Variants in KCNQ1 observed in about 807,000 individuals in gnomAD.
KCNQ1 encodes the protein potassium voltage-gated channel subfamily KQT member 1.
Under a neutral mutation model 72.4 loss-of-function variants are expected in KCNQ1, and 49 were observed. The ratio of observed to expected loss-of-function variants is 0.68; its 90% CI spans 0.54 to 0.86. KCNQ1 has a LOEUF of 0.86. KCNQ1 is among the 40% of genes least tolerant of loss of function. The pLI, the probability that KCNQ1 is intolerant of heterozygous loss-of-function variation, is 0.00. For synonymous variants in KCNQ1, 450 were observed against 412.6 expected, an observed-to-expected ratio of 1.09 and a Z score of -1.10; for missense variants, 790 against 945.1, an observed-to-expected ratio of 0.84 and a Z score of 2.15.
intron 15 of KCNQ1, among the ~76,000 whole-genome samples, chr11:2,841,605 C>T (rs923363155): frequency 2.0e-5 from 3 of 152,210 alleles, no homozygotes; most frequent in Non-Finnish European, 4.4e-5. Flanking sequence ...TCTGAGCTCC[C>T]GCTGGGACAC....
At chr11:2,694,183 G>A (rs374710737) in intron 11 of KCNQ1, 43 of 398,680 alleles carry the variant, frequency 1.1e-4, no homozygotes, top group African/African-American at 7.8e-4. Flanking sequence ...CCAGGCCTGG[G>A]CCAGGGTCTT....
chr11:2,674,832 TAAAAAAAAAAAAAAAAAAA>T lies in KCNQ1; in HGVS notation c.1514+12761_1514+12779del. ...GCTTGTCACCCTAATAGCTGTTTTT[TAAAAAAAAAAAAAAAAAAA>T]AAAAAAAAAGCTCACTGGGCACCTT... is the stretch of plus-strand genomic sequence containing the variant. On this transcript the variant is annotated intron_variant, in intron 11 of 15. Coordinates refer to ENST00000155840, the MANE Select transcript of KCNQ1 (RefSeq NM_000218.3). This position sits in a 1 kb window ranked among gnomAD's most constrained non-coding sequence, Gnocchi z 5.9. The T allele has an allele frequency of 3.3e-6, 1 of 303,392 alleles. No individual in the cohort carries two copies. The allele number at this position is 303,392 out of a possible 1,614,324, so 18.8% of individuals were successfully genotyped here.
chr11:2,649,757 A>C (rs1367964199), intron 10 of KCNQ1: 2 of 398,524 alleles, frequency 5.0e-6, no homozygotes, highest in Non-Finnish European at 8.8e-6. Flanking sequence ...AGTTTGATGA[A>C]AATGTGCCTC....
rs376145859 is a variant in KCNQ1 at position 2,762,618 on chromosome 11, C to T, written c.1515-6226C>T. ...ACAGGACCGTGCAGCAGGAGGTGAG[C>T]GGTTGGCAAGTGAACGTGATCACCT... On this transcript the variant is annotated intron_variant, in intron 11 of 15. Transcript: ENST00000155840. The surrounding 1 kb of genome is among the most constrained non-coding windows in gnomAD (Gnocchi z 4.3). Among the ~76,000 whole-genome samples, 6 of 152,164 alleles carry T rather than the reference C, an allele frequency of 3.9e-5. No individual in the cohort carries two copies. Among genetic ancestry groups the T allele is most frequent in the Non-Finnish European group, 5.9e-5 (4 of 68,038 alleles).
In KCNQ1 at chr11:2,662,002, T is replaced by C; in HGVS notation, c.1435T>C (p.Phe479Leu). The part of the protein sequence containing the change: ...PTLLEVSMPH[F>L]MRTNSFAEDL... ...ACTGCTGGAAGTGAGCATGCCCCAT[T>C]TCATGAGAACCAACAGCTTCGCCGA... is the stretch of plus-strand genomic sequence containing the variant. Residue 479 changes from phenylalanine (F) to leucine (L), a missense_variant, in exon 11 of 16, where the codon TTC becomes CTC. Physicochemically the swap from Phe to Leu is conservative, Grantham distance 22. Coordinates refer to ENST00000155840, the MANE Select transcript of KCNQ1 (RefSeq NM_000218.3). 6.2e-7 allele frequency: 1 copy of C among 1,614,120 alleles called. No individual in the cohort carries two copies. Among genetic ancestry groups the C allele is most frequent in the Non-Finnish European group, 8.5e-7 (1 of 1,180,016 alleles).
chr11:2,618,914 C>G (rs1564835362), intron 10 of KCNQ1: 2 of 398,056 alleles, frequency 5.0e-6, no homozygotes, highest in African/African-American at 2.1e-5. Context: ...TAAATTTATT[C>G]CTAAGCAATT....
At position 2,537,341 on chromosome 11, in the gene KCNQ1, G is replaced by A. The variant is rs992514844; in HGVS notation, c.477+9323G>A. 1.3e-5 allele frequency among the ~76,000 whole-genome samples: 2 copies of A among 152,124 alleles called. No homozygotes were observed. Among genetic ancestry groups the A allele is most frequent in the African/African-American group, 2.4e-5 (1 of 41,354 alleles). On this transcript the variant is annotated intron_variant, in intron 2 of 15. Coordinates refer to ENST00000155840, the MANE Select transcript of KCNQ1 (RefSeq NM_000218.3). The surrounding 1 kb of genome is among the most constrained non-coding windows in gnomAD (Gnocchi z 5.2). Reference sequence around the variant, plus strand: ...TCTACTACCTGACCTTCCAGGAAAGGTTTGCCACGCTATTTATTTAGCAGG... The same window carrying A: ...TCTACTACCTGACCTTCCAGGAAAGATTTGCCACGCTATTTATTTAGCAGG...
intron 11 of KCNQ1, chr11:2,665,898 G>A (rs1239592271): frequency 2.0e-5 from 8 of 398,534 alleles, no homozygotes; most frequent in African/African-American, 4.1e-5. Flanking sequence ...GTGTGGCCTG[G>A]GTGAGCTTCT....
intron 15 of KCNQ1, among the ~76,000 whole-genome samples, chr11:2,811,234 C>T (rs1847479414): frequency 6.6e-6 from 1 of 152,238 alleles, no homozygotes; most frequent in Non-Finnish European, 1.5e-5. Context: ...GTCCCCACGA[C>T]CCCTGTCCGG....
rs980454385 is a variant in KCNQ1, at chr11:2,766,247, C to T, written c.1515-2597C>T. On this transcript the variant is annotated intron_variant, in intron 11 of 15. Coordinates refer to ENST00000155840, the MANE Select transcript of KCNQ1 (RefSeq NM_000218.3). The surrounding 1 kb of genome is among the most constrained non-coding windows in gnomAD (Gnocchi z 4.4). ...CAAAGCACAATCATCTGTTAGCTCA[C>T]AAATCTATGGGTCAGCAATCTGGGC... 6.6e-6 allele frequency among the ~76,000 whole-genome samples: 1 copy of T among 152,178 alleles called. No individual in the cohort carries two copies. Among genetic ancestry groups the T allele is most frequent in the Non-Finnish European group, 1.5e-5 (1 of 68,036 alleles).
chr11:2,557,667 A>G (rs918920726), intron 2 of KCNQ1, among the ~76,000 whole-genome samples: 1 of 152,148 alleles, frequency 6.6e-6, no homozygotes, highest in African/African-American at 2.4e-5. Flanking sequence ...GCTCCTGTTC[A>G]TGAGGGCTTC....
intron 11 of KCNQ1, among the ~76,000 whole-genome samples, chr11:2,756,557 A>T (rs116210888): frequency 0.015 from 2,242 of 152,046 alleles, 47 homozygotes; most frequent in African/African-American, 0.051. Context: ...TACCCAGGAT[A>T]GGGGAGACAA....
chr11:2,688,550 G>T, intron 11 of KCNQ1: 2 of 398,750 alleles, frequency 5.0e-6, no homozygotes, highest in East Asian at 7.1e-5. Flanking sequence ...TAGTGTCAAG[G>T]TTCCACACCA....
chr11:2,790,230 C>T (rs565891264), intron 15 of KCNQ1, among the ~76,000 whole-genome samples: 1 of 152,276 alleles, frequency 6.6e-6, no homozygotes, highest in East Asian at 1.9e-4. Flanking sequence ...GATGTGGCTC[C>T]CGTCCTCCTC....
Position 2,471,767 on chromosome 11 carries a change from GGT to G in KCNQ1, c.386+26289_386+26290del, listed in dbSNP as rs1846469707. On this transcript the variant is annotated intron_variant, in intron 1 of 15. Coordinates refer to ENST00000155840, the MANE Select transcript of KCNQ1 (RefSeq NM_000218.3). The surrounding 1 kb of genome is among the most constrained non-coding windows in gnomAD (Gnocchi z 4.8). ...ATGGGCGTGTGTGTACTTGTGTATG[GGT>G]GTGTGCATGTGATTGGGTGTGTGCA... Among the ~76,000 whole-genome samples, 3 of 150,272 alleles carry G rather than the reference GGT, an allele frequency of 2.0e-5. No individual in the cohort carries two copies. Among genetic ancestry groups the G allele is most frequent in the East Asian group, 3.9e-4 (2 of 5,088 alleles).
chr11:2,540,141 G>A (rs780833241), intron 2 of KCNQ1, among the ~76,000 whole-genome samples: 11 of 152,226 alleles, frequency 7.2e-5, no homozygotes, highest in Non-Finnish European at 1.2e-4. Flanking sequence ...GGGTCCACCC[G>A]CTGTGTCCCT....
intron 1 of KCNQ1, among the ~76,000 whole-genome samples, chr11:2,467,666 C>A (rs1013951587): frequency 6.6e-6 from 1 of 152,158 alleles, no homozygotes; most frequent in Non-Finnish European, 1.5e-5. Flanking sequence ...GGGCCTGGCC[C>A]AGGTGAGGTG....
chr11:2,561,130 G>T (rs1229157968), intron 2 of KCNQ1, among the ~76,000 whole-genome samples: 1 of 151,300 alleles, frequency 6.6e-6, no homozygotes, highest in East Asian at 2.0e-4. Flanking sequence ...TGAACCCCAG[G>T]GGGTGGAGCC....
rs1346890028 is a variant in KCNQ1, at chr11:2,593,528, ACGTGTTTGC to A, written c.1393+4676_1393+4684del. On this transcript the variant is annotated intron_variant, in intron 10 of 15. Coordinates refer to ENST00000155840, the MANE Select transcript of KCNQ1 (RefSeq NM_000218.3). The surrounding 1 kb of genome is among the most constrained non-coding windows in gnomAD (Gnocchi z 6.9). The stretch of plus-strand genomic sequence containing the variant: ...CAAAGCTGTGCCTGTGTGTGTCACC[ACGTGTTTGC>A]CAGGTGACCTGGGACTATTGTGTGG... Among the ~76,000 whole-genome samples the A allele has an allele frequency of 3.3e-5, 5 of 152,162 alleles. No homozygotes were observed. Among genetic ancestry groups the A allele is most frequent in the African/African-American group, 1.2e-4 (5 of 41,442 alleles).
Sources: gnomAD v4.1 joint callset for allele counts (sites outside exome capture counted in the v4.1 genomes callset) on GRCh38, gnomAD v4.1.1 for gene constraint, Gnocchi (gnomAD v3.1) non-coding constraint, MANE v1.5 for transcripts, NCBI Gene and HGNC (gene_info 2026-07-23, HGNC 2026-07-21) for gene names.